Variants in ATF3 observed in about 807,000 individuals in gnomAD.
The protein encoded by ATF3 is cyclic AMP-dependent transcription factor ATF-3.
In ATF3, 10 loss-of-function variants were observed where a neutral mutation model predicts 18.4. The observed-to-expected ratio is 0.54, with a 90% CI of 0.34 to 0.92. The LOEUF (loss-of-function observed/expected upper bound fraction) is 0.92, where lower values mean the gene tolerates loss of function less well. Among genes scored for constraint, ATF3 ranks in the 40% least tolerant of loss-of-function variants. The probability of loss-of-function intolerance (pLI) is 0.02; values close to 1 mark genes in which losing one functional copy is unlikely to be tolerated. For synonymous variants in ATF3, 78 were observed against 87.9 expected (o/e 0.89, Z 0.63); for missense variants, 183 against 222.3 (o/e 0.82, Z 1.12).
chr1:212,609,935 A>G (rs1654826637), intron 1 of ATF3, among the ~76,000 whole-genome samples: 1 of 152,202 alleles, frequency 6.6e-6, no homozygotes, highest in South Asian at 2.1e-4. Flanking sequence ...CCAGATAACT[A>G]CTAAGGTCCT....
intron 1 of ATF3, among the ~76,000 whole-genome samples, chr1:212,584,253 A>G (rs189933357): frequency 1.5e-4 from 23 of 152,326 alleles, no homozygotes; most frequent in African/African-American, 5.5e-4. Context: ...GAAAGCAGAA[A>G]ACAGCTGTTA....
At chr1:212,586,402 C>T (rs1410708717) in intron 1 of ATF3, among the ~76,000 whole-genome samples, 2 of 152,186 alleles carry the variant, frequency 1.3e-5, no homozygotes, top group Non-Finnish European at 2.9e-5. Context: ...GCACTTTCTT[C>T]CTCTTTGCTG....
chr1:212,583,129 T>A (rs1664715485), intron 1 of ATF3, among the ~76,000 whole-genome samples: 2 of 152,176 alleles, frequency 1.3e-5, no homozygotes, highest in South Asian at 4.1e-4. Flanking sequence ...ATATGAGGTA[T>A]AACAAAATGA....
chr1:212,565,907 T>C (rs947233929), intron 1 of ATF3, among the ~76,000 whole-genome samples: 1 of 152,166 alleles, frequency 6.6e-6, no homozygotes, highest in African/African-American at 2.4e-5. Context: ...CCATTGGAGT[T>C]GGTTAACCCC....
upstream of ATF3, among the ~76,000 whole-genome samples, chr1:212,606,647 T>C (rs1654630976): frequency 6.6e-6 from 1 of 152,222 alleles, no homozygotes; most frequent in Non-Finnish European, 1.5e-5. Context: ...AAAATTTCTG[T>C]TTCACAGCAG....
chr1:212,593,038 C>T (rs926706304), intron 1 of ATF3, among the ~76,000 whole-genome samples: 3 of 150,672 alleles, frequency 2.0e-5, no homozygotes, highest in African/African-American at 7.4e-5. Context: ...TGGAACCAAC[C>T]CAAATGTCCA....
rs1655236596 is a variant in ATF3, at chr1:212,618,620, T to TC, written c.348+387dup. ...CTCACTATGAAAAGCCTTTAATTAA[T>TC]CTCTTCAAACAAGTTATTTCCTTAA... On this transcript the variant is annotated intron_variant, in intron 3 of 3. Coordinates refer to ENST00000341491, the MANE Select transcript of ATF3 (RefSeq NM_001674.4). This position sits in a 1 kb window ranked among gnomAD's most constrained non-coding sequence, Gnocchi z 4.4. The TC allele has an allele frequency of 2.6e-6, 1 of 387,938 alleles. No homozygotes were observed. Among genetic ancestry groups the TC allele is most frequent in the Non-Finnish European group, 4.8e-6 (1 of 208,420 alleles). The allele number at this position is 387,938 out of a possible 1,614,324, so 24.0% of individuals were successfully genotyped here.
At chr1:212,593,531 T>C (rs1664929761) in intron 1 of ATF3, among the ~76,000 whole-genome samples, 2 of 151,860 alleles carry the variant, frequency 1.3e-5, no homozygotes, top group East Asian at 3.9e-4. Context: ...GCCCAGGCAT[T>C]CAAGACCAGC....
chr1:212,603,704 G>A (rs891982284), intron 1 of ATF3, among the ~76,000 whole-genome samples: 2 of 152,008 alleles, frequency 1.3e-5, no homozygotes, highest in African/African-American at 4.8e-5. Flanking sequence ...TTACCTCTGG[G>A]AAGCAAAGAG....
At chr1:212,578,048 T>C (rs1242980781) in intron 1 of ATF3, among the ~76,000 whole-genome samples, 1 of 152,234 alleles carries the variant, frequency 6.6e-6, no homozygotes, top group East Asian at 1.9e-4. Flanking sequence ...ACACCAACAG[T>C]GTGAAAGGGT....
intron 2 of ATF3, among the ~76,000 whole-genome samples, chr1:212,617,344 T>C (rs3123543): frequency 0.73 from 111,652 of 152,168 alleles, 41,523 homozygotes; most frequent in Non-Finnish European, 0.79. Flanking sequence ...GTCTGGGAGG[T>C]GGCTTCTGGC....
chr1:212,585,315 C>A (rs1359404056), intron 1 of ATF3, among the ~76,000 whole-genome samples: 1 of 152,172 alleles, frequency 6.6e-6, no homozygotes, highest in Admixed American at 6.5e-5. Flanking sequence ...GCCTTGCCCC[C>A]GTGCCCAGTC....
intron 1 of ATF3, among the ~76,000 whole-genome samples, chr1:212,595,136 C>A (rs1475774198): frequency 6.6e-6 from 1 of 152,150 alleles, no homozygotes; most frequent in Non-Finnish European, 1.5e-5. Flanking sequence ...CCAAGGAGTT[C>A]ATAAAACTGT....
Position 212,615,894 on chromosome 1 carries a change from A to G in ATF3, c.240+633A>G, listed in dbSNP as rs188900669. Among the ~76,000 whole-genome samples, 524 of 150,520 alleles carry G rather than the reference A, an allele frequency of 3.5e-3. 3 individuals carry two copies. Among genetic ancestry groups the G allele is most frequent in the African/African-American group, 0.012 (482 of 41,062 alleles). ...AGCCTCAGTCTCCTGGGCTCAAGCG[A>G]TCCTCCTGCTTCAGCCTCCCAAAAC... On this transcript the variant is annotated intron_variant, in intron 2 of 3. Coordinates refer to ENST00000341491, the MANE Select transcript of ATF3 (RefSeq NM_001674.4).
At chr1:212,567,118 C>T (rs907938905) in intron 1 of ATF3, among the ~76,000 whole-genome samples, 4 of 152,102 alleles carry the variant, frequency 2.6e-5, no homozygotes, top group South Asian at 4.2e-4. Flanking sequence ...TTTCTCTTCC[C>T]GCCCACAGAA....
At chr1:212,593,158 C>A (rs3106404) in intron 1 of ATF3, among the ~76,000 whole-genome samples, 36,647 of 151,704 alleles carry the variant, frequency 0.24, 4,579 homozygotes, top group East Asian at 0.46. Flanking sequence ...GATGAAACTG[C>A]AAACCATCAT....
upstream of ATF3, among the ~76,000 whole-genome samples, chr1:212,605,912 T>G (rs1354369856): frequency 6.6e-6 from 1 of 152,194 alleles, no homozygotes; most frequent in Non-Finnish European, 1.5e-5. Flanking sequence ...ACCCCTGAAA[T>G]CACCCTAGCC....
At chr1:212,572,210 T>G (rs1308862585) in intron 1 of ATF3, among the ~76,000 whole-genome samples, 1 of 152,156 alleles carries the variant, frequency 6.6e-6, no homozygotes, top group African/African-American at 2.4e-5. Flanking sequence ...TCATCATTCC[T>G]TTTCATGTTC....
At chr1:212,567,055 C>T (rs1351591674) in intron 1 of ATF3, among the ~76,000 whole-genome samples, 3 of 152,182 alleles carry the variant, frequency 2.0e-5, no homozygotes, top group African/African-American at 4.8e-5. Context: ...CATGTTGCAG[C>T]GAAAGCGAAA....
Sources: allele counts gnomAD v4.1 joint callset (sites outside exome capture counted in the v4.1 genomes callset), GRCh38; gene constraint gnomAD v4.1.1; non-coding constraint Gnocchi (gnomAD v3.1); transcripts MANE v1.5; gene names NCBI Gene and HGNC (gene_info 2026-07-23, HGNC 2026-07-21).